The following GREM1 variants were observed in gnomAD, a reference collection of about 807,000 sequenced individuals.
GREM1 encodes the protein gremlin 1, DAN family BMP antagonist, also known as gremlin-1.
Under a neutral mutation model 13.1 loss-of-function variants are expected in GREM1, and 6 were observed. The ratio of observed to expected loss-of-function variants is 0.46; its 90% CI spans 0.25 to 0.91. The LOEUF is 0.91. GREM1 is among the 40% of genes least tolerant of loss of function. GREM1 has a pLI of 0.18. For missense variants in GREM1, 185 were observed against 233.9 expected (o/e 0.79, Z 1.36); for synonymous variants, 98 against 93.7 (o/e 1.05, Z -0.27).
At chr15:32,719,382 C>T (rs1353090756) in intron 1 of GREM1, among the ~76,000 whole-genome samples, 1 of 152,208 alleles carries the variant, frequency 6.6e-6, no homozygotes, top group Non-Finnish European at 1.5e-5. Flanking sequence ...GGACGGACGG[C>T]AGGTGACCAG....
chr15:32,726,130 T>C (rs1403304871), intron 1 of GREM1, among the ~76,000 whole-genome samples: 1 of 152,186 alleles, frequency 6.6e-6, no homozygotes, highest in Non-Finnish European at 1.5e-5. Flanking sequence ...TTTGGTTCTA[T>C]ATGAAATTTA....
chr15:32,718,046 C>T lies in GREM1; in HGVS notation c.-117C>T, dbSNP rs1332461381. ...CGGACCGGGCGACCCAGTGCACGGC[C>T]GCCGCGTCACTCTCGGTCCCGCTGA... On this transcript the variant is annotated 5_prime_UTR_variant, in exon 1 of 2. Coordinates refer to ENST00000651154, the MANE Select transcript of GREM1 (RefSeq NM_013372.7). 2.6e-6 allele frequency: 3 copies of T among 1,164,836 alleles called. No homozygotes were observed. The highest frequency in any genetic ancestry group is 4.3e-5 in the South Asian group (2 of 46,684). 72.2% of individuals were successfully genotyped at this position (1,164,836 alleles called of 1,614,324 possible). A position where few individuals can be genotyped will look rare whatever the true frequency, so the allele number is the denominator to read the frequency against.
In GREM1 at chr15:32,732,326, C is replaced by T. The variant is rs1384839440; in HGVS notation, c.*1081C>T. On this transcript the variant is annotated 3_prime_UTR_variant, in exon 2 of 2. Coordinates refer to ENST00000651154, the MANE Select transcript of GREM1 (RefSeq NM_013372.7). ...AGCTCATTTCCATTCCACTATTTCC[C>T]ATAATGCTTCTGAGAGCCACTAACT... 4.2e-6 allele frequency: 1 copy of T among 240,554 alleles called. No homozygotes were observed. The highest frequency in any genetic ancestry group is 5.7e-5 in the Admixed American group (1 of 17,566). The allele number at this position is 240,554 out of a possible 1,614,324, so 14.9% of individuals were successfully genotyped here. A position where few individuals can be genotyped will look rare whatever the true frequency, so the allele number is the denominator to read the frequency against.
Position 32,733,967 on chromosome 15 carries a change from TAAATG to T in GREM1, c.*2726_*2730del. The T allele has an allele frequency of 4.1e-6, 1 of 241,486 alleles. No individual in the cohort carries two copies. Among genetic ancestry groups the T allele is most frequent in the Non-Finnish European group, 8.8e-6 (1 of 113,982 alleles). The allele number at this position is 241,486 out of a possible 1,614,324, so 15.0% of individuals were successfully genotyped here. ...TTCCACTGTGTGGAATGTGAATAGT[TAAATG>T]AAAAGTTATGGTTATTTAATGTAAT... is the stretch of plus-strand genomic sequence containing the variant. On this transcript the variant is annotated 3_prime_UTR_variant, in exon 2 of 2. Transcript: ENST00000651154.
rs535570187 is a variant in GREM1 at position 32,718,114 on chromosome 15, G to C, written c.-49G>C. On this transcript the variant is annotated 5_prime_UTR_variant, in exon 1 of 2. Coordinates refer to ENST00000651154, the MANE Select transcript of GREM1 (RefSeq NM_013372.7). ...GCGGCTCTGGCCGCGGCCGCACTCA[G>C]CGCCACGCGTCGAAAGCGCAGGCCC... 6 of 1,272,878 alleles carry C rather than the reference G, an allele frequency of 4.7e-6. No individual in the cohort carries two copies. The South Asian group carries it at 7.3e-5, about 16-fold the overall frequency. 78.8% of individuals were successfully genotyped at this position (1,272,878 alleles called of 1,614,324 possible).
rs560479677 is a variant in GREM1 at position 32,723,314 on chromosome 15, G to A, written c.-2+5153G>A. ...GAATCAAGAGCAGTCTGGGGGTGGG[G>A]AGAGCTTGAGTGATTGACAAGGATG... On this transcript the variant is annotated intron_variant, in intron 1 of 1. Transcript: ENST00000651154. Among the ~76,000 whole-genome samples, 3 of 152,284 alleles carry A rather than the reference G, an allele frequency of 2.0e-5. No individual in the cohort carries two copies. In the South Asian group the frequency reaches 6.2e-4, roughly 32 times the overall value.
At position 32,738,083 on chromosome 15, in the gene GREM1, CAAAAAAAAAAAAA is replaced by C. The variant is rs67118209; in HGVS notation, c.*6876_*6888del. On this transcript the variant is annotated 3_prime_UTR_variant, in exon 2 of 2. Coordinates refer to ENST00000651154, the MANE Select transcript of GREM1 (RefSeq NM_013372.7). ...GGAGGTTCTACCTAGGGTAATTAGG[CAAAAAAAAAAAAA>C]AAAAAAAAAAAAAAAAAAAAAAAAA... The C allele has an allele frequency of 2.9e-3, 55 of 18,928 alleles. No individual in the cohort carries two copies. Among genetic ancestry groups the C allele is most frequent in the Middle Eastern group, 0.045 (1 of 22 alleles). 1.2% of individuals were successfully genotyped at this position (18,928 alleles called of 1,614,324 possible). A position where few individuals can be genotyped will look rare whatever the true frequency, so the allele number is the denominator to read the frequency against.
intron 1 of GREM1, 40 bp downstream of exon 1, chr15:32,718,201 A>G (rs2055327593): frequency 7.5e-7 from 1 of 1,331,584 alleles, no homozygotes; most frequent in East Asian, 3.6e-5. Context: ...GAGTGGGCGG[A>G]GGGAAGAGGG....
chr15:32,723,882 A>T (rs755773004), intron 1 of GREM1, among the ~76,000 whole-genome samples: 17 of 152,254 alleles, frequency 1.1e-4, no homozygotes, highest in Non-Finnish European at 2.1e-4. Flanking sequence ...AAAAAGAAAG[A>T]CAAGTCTTAG....
rs1485725095 is a variant in GREM1, at chr15:32,737,466, A to G, written c.*6221A>G. ...CCAGGAATGCAAGATTGATTTAACC[A>G]TCAGTGTAATGCATCATATTAATAG... is the stretch of plus-strand genomic sequence containing the variant. On this transcript the variant is annotated 3_prime_UTR_variant, in exon 2 of 2. Transcript: ENST00000651154. The G allele has an allele frequency of 6.6e-6, 1 of 152,198 alleles. No homozygotes were observed. The highest frequency in any genetic ancestry group is 2.4e-5 in the African/African-American group (1 of 41,452). The allele number at this position is 152,198 out of a possible 1,614,324, so 9.4% of individuals were successfully genotyped here.
At chr15:32,723,956 G>A (rs79786301) in intron 1 of GREM1, among the ~76,000 whole-genome samples, 8 of 152,302 alleles carry the variant, frequency 5.3e-5, no homozygotes, top group African/African-American at 1.9e-4. Flanking sequence ...GATAGCAATT[G>A]GCTCTTCTGC....
At position 32,733,949 on chromosome 15, in the gene GREM1, G is replaced by C; in HGVS notation, c.*2704G>C. On this transcript the variant is annotated 3_prime_UTR_variant, in exon 2 of 2. Transcript: ENST00000651154. ...TCTGGAGGAGAGGATAATTTCCACT[G>C]TGTGGAATGTGAATAGTTAAATGAA... 4.2e-6 allele frequency: 1 copy of C among 240,870 alleles called. No homozygotes were observed. The highest frequency in any genetic ancestry group is 6.4e-5 in the East Asian group (1 of 15,558). The allele number at this position is 240,870 out of a possible 1,614,324, so 14.9% of individuals were successfully genotyped here.
Position 32,719,379 on chromosome 15 carries a change from C to A in GREM1, c.-2+1218C>A, listed in dbSNP as rs1395404848. ...ACCGGGCCAGGCGGGGAGGGACGGA[C>A]GGCAGGTGACCAGCCTCTGCTGTGA... On this transcript the variant is annotated intron_variant, in intron 1 of 1. Transcript: ENST00000651154. 2.0e-5 allele frequency among the ~76,000 whole-genome samples: 3 copies of A among 152,198 alleles called. No individual in the cohort carries two copies. In the South Asian group the frequency reaches 6.2e-4, roughly 31 times the overall value.
rs1292792890 is a variant in GREM1 at position 32,740,236 on chromosome 15, G to A, written c.*8991G>A. 6.6e-6 allele frequency: 1 copy of A among 152,196 alleles called. No homozygotes were observed. The highest frequency in any genetic ancestry group is 1.5e-5 in the Non-Finnish European group (1 of 68,046). The allele number at this position is 152,196 out of a possible 1,614,324, so 9.4% of individuals were successfully genotyped here. ...GGAAAATGAATAATCATACGAAGAT[G>A]TTCCAAACCAAAGAACAAGATAAAT... On this transcript the variant is annotated 3_prime_UTR_variant, in exon 2 of 2. Coordinates refer to ENST00000651154, the MANE Select transcript of GREM1 (RefSeq NM_013372.7).
rs2140698513 is a variant in GREM1, at chr15:32,733,709, T to C, written c.*2464T>C. Reference sequence around the variant, plus strand: ...TATTTTATTCGAGTCACTGATGATGTAATGATATATTTTTTCATTATTATA... The same window carrying C: ...TATTTTATTCGAGTCACTGATGATGCAATGATATATTTTTTCATTATTATA... On this transcript the variant is annotated 3_prime_UTR_variant, in exon 2 of 2. Transcript: ENST00000651154. 1 of 228,512 alleles carries C rather than the reference T, an allele frequency of 4.4e-6. No individual in the cohort carries two copies. The highest frequency in any genetic ancestry group is 5.8e-5 in the Admixed American group (1 of 17,148). 14.2% of individuals were successfully genotyped at this position (228,512 alleles called of 1,614,324 possible). A position where few individuals can be genotyped will look rare whatever the true frequency, so the allele number is the denominator to read the frequency against.
chr15:32,738,125 A>AAAAAAAAAAAAAAAAAAAAAACCAAAC lies in GREM1; in HGVS notation c.*6888_*6889insAAAAAAAAAAAAACCAAACAAAAAAAA. 3.9e-4 allele frequency: 11 copies of AAAAAAAAAAAAAAAAAAAAAACCAAAC among 27,986 alleles called. 4 individuals carry two copies. The highest frequency in any genetic ancestry group is 1.2e-3 in the African/African-American group (8 of 6,600). The allele number at this position is 27,986 out of a possible 1,614,324, so 1.7% of individuals were successfully genotyped here. A position where few individuals can be genotyped will look rare whatever the true frequency, so the allele number is the denominator to read the frequency against. On this transcript the variant is annotated 3_prime_UTR_variant, in exon 2 of 2. Transcript: ENST00000651154. ...AAAAAAAAAAAAAAAAAAAAAAAAAAAAAAAAAAGAAAAGAAAAAAGTCAT... is the reference window on the plus strand; with the variant it reads ...AAAAAAAAAAAAAAAAAAAAAAAAAAAAAAAAAAAAAAAAAAAAAAACCAAACAAAAAAAAGAAAAGAAAAAAGTCAT...
rs1053128659 is a variant in GREM1, at chr15:32,741,482, C to A, written c.*10237C>A. ...TTCCTAATTTTTGTTTAAGATAGTT[C>A]ATCGTTGGTATAGAAATGCCATTGA... On this transcript the variant is annotated 3_prime_UTR_variant, in exon 2 of 2. Transcript: ENST00000651154. 6.7e-6 allele frequency: 1 copy of A among 150,260 alleles called. No individual in the cohort carries two copies. Among genetic ancestry groups the A allele is most frequent in the Admixed American group, 6.6e-5 (1 of 15,046 alleles). 9.3% of individuals were successfully genotyped at this position (150,260 alleles called of 1,614,324 possible).
rs1385493774 is a variant in GREM1 at position 32,735,480 on chromosome 15, CT to C, written c.*4239del. ...TGTGAGCAACTTTTATCGGTTTGTT[CT>C]TTTAAGAACATAACACAGCACTCTA... On this transcript the variant is annotated 3_prime_UTR_variant, in exon 2 of 2. Transcript: ENST00000651154. 4 of 152,228 alleles carry C rather than the reference CT, an allele frequency of 2.6e-5. No individual in the cohort carries two copies. The highest frequency in any genetic ancestry group is 5.9e-5 in the Non-Finnish European group (4 of 68,012). The allele number at this position is 152,228 out of a possible 1,614,324, so 9.4% of individuals were successfully genotyped here.
At chr15:32,727,057 A>T (rs2055521709) in intron 1 of GREM1, among the ~76,000 whole-genome samples, 1 of 152,224 alleles carries the variant, frequency 6.6e-6, no homozygotes, top group Non-Finnish European at 1.5e-5. Flanking sequence ...AGACAGATTC[A>T]CAGCCGAAGT....
Sources: gnomAD v4.1 joint callset for allele counts (sites outside exome capture counted in the v4.1 genomes callset) on GRCh38, gnomAD v4.1.1 for gene constraint, MANE v1.5 for transcripts, NCBI Gene and HGNC (gene_info 2026-07-23, HGNC 2026-07-21) for gene names.